The following TDRP variants were observed in gnomAD, a reference collection of about 807,000 sequenced individuals.
The protein encoded by TDRP is testis development-related protein.
In TDRP, 12 loss-of-function variants were observed where a neutral mutation model predicts 10.5. The observed-to-expected ratio is 1.15, with a 90% CI of 0.73 to 1.86. TDRP has a LOEUF of 1.86. Ranked by LOEUF, TDRP falls within the 40% of genes most tolerant of loss-of-function variation. The pLI, the probability that TDRP is intolerant of heterozygous loss-of-function variation, is 0.00. For missense variants in TDRP, 353 were observed against 229.2 expected (o/e 1.54, Z -3.49); for synonymous variants, 139 against 95.4 (o/e 1.46, Z -2.67).
chr8:506,602 C>G (rs13268617), intron 1 of TDRP, among the ~76,000 whole-genome samples: 1 of 151,992 alleles, frequency 6.6e-6, no homozygotes, highest in Admixed American at 6.6e-5. Flanking sequence ...CGAGAGGTGA[C>G]GGTTCCACCC....
At chr8:530,470 C>A (rs949707042) in intron 1 of TDRP, among the ~76,000 whole-genome samples, 1 of 152,094 alleles carries the variant, frequency 6.6e-6, no homozygotes, top group Non-Finnish European at 1.5e-5. Flanking sequence ...AGCCACCTCT[C>A]CCAGTCTTTA....
intron 1 of TDRP, among the ~76,000 whole-genome samples, chr8:527,976 A>G (rs1363252372): frequency 2.0e-5 from 3 of 152,304 alleles, no homozygotes; most frequent in East Asian, 3.9e-4. Context: ...AAGGCAACAC[A>G]CAGAATGGGA....
chr8:523,752 G>C (rs986413856), intron 1 of TDRP, among the ~76,000 whole-genome samples: 1 of 152,152 alleles, frequency 6.6e-6, no homozygotes, highest in African/African-American at 2.4e-5. Flanking sequence ...ACTTTGTCTA[G>C]TGGCTGGAGT....
At chr8:517,221 T>G (rs924224769) in intron 1 of TDRP, among the ~76,000 whole-genome samples, 2 of 152,116 alleles carry the variant, frequency 1.3e-5, no homozygotes, top group Admixed American at 1.3e-4. Context: ...TGGTACAGCA[T>G]CACATGACAG....
At chr8:501,784 G>A (rs1801309134) in intron 1 of TDRP, among the ~76,000 whole-genome samples, 1 of 152,238 alleles carries the variant, frequency 6.6e-6, no homozygotes. Flanking sequence ...GCCAGCATGG[G>A]ACTCAGTACA....
chr8:498,412 G>A (rs1045626960), intron 1 of TDRP, among the ~76,000 whole-genome samples: 2 of 152,174 alleles, frequency 1.3e-5, no homozygotes, highest in Non-Finnish European at 2.9e-5. Context: ...GTTTCAGACT[G>A]TAGCCCCTTG....
At chr8:522,980 G>GTA (rs1159127085) in intron 1 of TDRP, among the ~76,000 whole-genome samples, 4 of 152,104 alleles carry the variant, frequency 2.6e-5, no homozygotes, top group Non-Finnish European at 4.4e-5. Context: ...TAAACCACAC[G>GTA]TAGTTTTGGT....
Position 490,173 on chromosome 8 carries a change from C to A in TDRP, c.*2226G>T, listed in dbSNP as rs1800928724. ...GATAATAAATTTGCTTTGATAACTT[C>A]TTTCAAGAAAAGATAATTTTTCTCC... On this transcript the variant is annotated 3_prime_UTR_variant, in exon 3 of 3. Transcript: ENST00000324079. 6.6e-6 allele frequency: 1 copy of A among 152,112 alleles called. No individual in the cohort carries two copies. The highest frequency in any genetic ancestry group is 2.4e-5 in the African/African-American group (1 of 41,430). 9.4% of individuals were successfully genotyped at this position (152,112 alleles called of 1,614,324 possible).
Position 492,449 on chromosome 8 carries a change from G to C in TDRP, c.508C>G (p.Arg170Gly). ...GTCAGGTGGCCTTTACTCTGCCGTC[G>C]GATGCTCACCAGCCTCCCTGCCGCG... is the stretch of plus-strand genomic sequence containing the variant. ...LRAAGRLVSI[R>G]RQSKGHLTDS... Residue 170 changes from arginine to glycine, a missense_variant, in exon 3 of 3, where the codon CGA (arginine) becomes GGA (glycine). By Grantham distance (125) the Arg-to-Gly change is moderately radical (BLOSUM62 -2). Coordinates refer to ENST00000324079, the MANE Select transcript of TDRP (RefSeq NM_001384899.1). 1 of 1,595,374 alleles carries C rather than the reference G, an allele frequency of 6.3e-7. No individual in the cohort carries two copies. The highest frequency in any genetic ancestry group is 2.3e-5 in the East Asian group (1 of 44,400).
intron 1 of TDRP, among the ~76,000 whole-genome samples, chr8:543,856 T>C (rs1041406630): frequency 1.4e-5 from 2 of 143,766 alleles, no homozygotes; most frequent in Admixed American, 7.6e-5. Context: ...AGATATTTTA[T>C]GATCCAGAAT....
chr8:521,288 G>A (rs185899417), intron 1 of TDRP, among the ~76,000 whole-genome samples: 11,055 of 150,428 alleles, frequency 0.073, 599 homozygotes, highest in African/African-American at 0.16. Context: ...GTGGTGGTGG[G>A]CGCCTGTAGT....
chr8:513,617 G>A (rs185516067), intron 1 of TDRP, among the ~76,000 whole-genome samples: 22 of 152,284 alleles, frequency 1.4e-4, no homozygotes, highest in African/African-American at 3.6e-4. Context: ...GCCTATTCTT[G>A]CCTCTTCTAT....
At chr8:545,590 C>G (rs1467642244), upstream of TDRP, 1 of 152,208 alleles carries the variant, frequency 6.6e-6, no homozygotes, top group African/African-American at 2.4e-5. Flanking sequence ...GGAGGGGGCA[C>G]AGTCCGCGGA....
At chr8:492,847 T>C in intron 2 of TDRP, 103 bp from the exon 3 acceptor site, 7 of 907,858 alleles carry the variant, frequency 7.7e-6, no homozygotes, top group Non-Finnish European at 1.1e-5. Flanking sequence ...AAAAAATTGT[T>C]TAGAAAACTA....
At chr8:494,894 C>T (rs1408611346) in intron 1 of TDRP, 2 of 236,042 alleles carry the variant, frequency 8.5e-6, no homozygotes, top group African/African-American at 2.3e-5. Flanking sequence ...TGCTTAAAAT[C>T]AGACGAAGCT....
At chr8:508,155 C>A (rs1362413627) in intron 1 of TDRP, among the ~76,000 whole-genome samples, 1 of 151,918 alleles carries the variant, frequency 6.6e-6, no homozygotes, top group Admixed American at 6.6e-5. Flanking sequence ...AGAGAGAATG[C>A]CAGTAAAGAG....
upstream of TDRP, chr8:544,932 C>T: frequency 2.7e-6 from 1 of 367,862 alleles, no homozygotes; most frequent in East Asian, 4.2e-5. Context: ...CCCACCAGGC[C>T]CGCCCCAAAC....
chr8:511,005 TAAGATAATAA>T (rs1301922598), intron 1 of TDRP, among the ~76,000 whole-genome samples: 1 of 151,990 alleles, frequency 6.6e-6, no homozygotes, highest in Non-Finnish European at 1.5e-5. Context: ...CTACAGATGG[TAAGATAATAA>T]ATGAAAATGT....
Position 492,039 on chromosome 8 carries a change from G to A in TDRP, c.*360C>T. On this transcript the variant is annotated 3_prime_UTR_variant, in exon 3 of 3. Transcript: ENST00000324079. ...GTGCTACATACAAGAAAAAGGTACG[G>A]AAGTTCTGAAACAGAACTACAACAC... The A allele has an allele frequency of 9.8e-6, 11 of 1,122,754 alleles. No homozygotes were observed. Among genetic ancestry groups the A allele is most frequent in the African/African-American group, 1.6e-5 (1 of 61,982 alleles). 69.5% of individuals were successfully genotyped at this position (1,122,754 alleles called of 1,614,324 possible).
Sources: allele counts gnomAD v4.1 joint callset (sites outside exome capture counted in the v4.1 genomes callset), GRCh38; gene constraint gnomAD v4.1.1; transcripts MANE v1.5; gene names NCBI Gene and HGNC (gene_info 2026-07-23, HGNC 2026-07-21).